Variants in KCNG2 observed in about 807,000 individuals in gnomAD.
The protein encoded by KCNG2 is voltage-gated potassium channel regulatory subunit KCNG2.
Under a neutral mutation model 12.3 loss-of-function variants are expected in KCNG2, and 7 were observed. The observed-to-expected ratio is 0.57, with a 90% CI of 0.32 to 1.07. KCNG2 has a LOEUF of 1.07. Ranked by LOEUF, KCNG2 falls within the 50% of genes least tolerant of loss-of-function variation. The probability of loss-of-function intolerance (pLI) is 0.04; values close to 1 mark genes in which losing one functional copy is unlikely to be tolerated. For synonymous variants in KCNG2, 414 were observed against 351.4 expected (o/e 1.18, Z -1.99); for missense variants, 703 against 726.0 (o/e 0.97, Z 0.36).
At position 79,814,696 on chromosome 18, in the gene KCNG2, G is replaced by A. The variant is rs529893891; in HGVS notation, c.-115+16682G>A. Among the ~76,000 whole-genome samples the A allele has an allele frequency of 1.6e-3, 251 of 152,328 alleles. 1 individual carries two copies. The highest frequency in any genetic ancestry group is 0.013 in the South Asian group (65 of 4,828). ...CCACCATTGGCGGAAACTGGGTAAA[G>A]GGTACAGGGGATCCCTTTGTATTGT... On this transcript the variant is annotated intron_variant, in intron 1 of 3. Transcript: ENST00000316249.
At chr18:79,811,809 A>T (rs2087496168) in intron 1 of KCNG2, among the ~76,000 whole-genome samples, 1 of 152,226 alleles carries the variant, frequency 6.6e-6, no homozygotes, top group Admixed American at 6.5e-5. Context: ...ACGTAACTGA[A>T]ATATATAACA....
chr18:79,872,909 C>T (rs1002335020), intron 3 of KCNG2, among the ~76,000 whole-genome samples: 1 of 152,236 alleles, frequency 6.6e-6, no homozygotes, highest in African/African-American at 2.4e-5. Flanking sequence ...CGTGTGGCCC[C>T]CTGTGTGGCG....
chr18:79,898,912 C>T (rs1981077892), intron 3 of KCNG2, 128 bp from the exon 4 acceptor site: 3 of 661,638 alleles, frequency 4.5e-6, no homozygotes, highest in Non-Finnish European at 7.3e-6. Flanking sequence ...TCCCCTGCAC[C>T]CGCTTCCGTG....
chr18:79,828,520 CGT>C (rs1344566481), intron 1 of KCNG2, among the ~76,000 whole-genome samples: 2 of 102,888 alleles, frequency 1.9e-5, no homozygotes, highest in African/African-American at 6.5e-5. Context: ...TGTAGTGTAA[CGT>C]GTTTATGCAT....
chr18:79,896,949 GTTTA>G (rs764967075), intron 3 of KCNG2, among the ~76,000 whole-genome samples: 2 of 152,086 alleles, frequency 1.3e-5, no homozygotes, highest in East Asian at 3.9e-4. Context: ...TAAGTCAGCC[GTTTA>G]TTTGTGAACT....
intron 2 of KCNG2, among the ~76,000 whole-genome samples, chr18:79,858,461 G>C (rs558040338): frequency 6.6e-6 from 1 of 152,158 alleles, no homozygotes. Context: ...TTGCTTCTCC[G>C]TTTATCAGTT....
At chr18:79,810,017 C>T (rs1375759534) in intron 1 of KCNG2, among the ~76,000 whole-genome samples, 4 of 152,214 alleles carry the variant, frequency 2.6e-5, no homozygotes, top group Non-Finnish European at 5.9e-5. Context: ...GGGCCAGCCT[C>T]GCGGAGCCGC....
intron 2 of KCNG2, among the ~76,000 whole-genome samples, chr18:79,857,011 G>A (rs894135421): frequency 8.9e-5 from 7 of 78,950 alleles, no homozygotes; most frequent in East Asian, 3.9e-4. Context: ...CCAGCCCTCC[G>A]TCCCAGAGGA....
chr18:79,851,388 G>A (rs150297543), intron 1 of KCNG2, among the ~76,000 whole-genome samples: 135 of 152,308 alleles, frequency 8.9e-4, no homozygotes, highest in African/African-American at 3.1e-3. Flanking sequence ...AGCATCTAGA[G>A]TCTAGGAATA....
chr18:79,864,912 GGTGCTGAGAGGTCTGT>G (rs1351269861), intron 3 of KCNG2, among the ~76,000 whole-genome samples: 1 of 144,320 alleles, frequency 6.9e-6, no homozygotes, highest in East Asian at 2.1e-4. Flanking sequence ...CAGAGGTCTG[GGTGCTGAGAGGTCTGT>G]GTGCTGAGAA....
In KCNG2 at chr18:79,864,062, A is replaced by AGGCCCGCGC; in HGVS notation, c.398_406dup (p.Ala133_Ala135dup). 1 of 1,095,170 alleles carries AGGCCCGCGC rather than the reference A, an allele frequency of 9.1e-7. No individual in the cohort carries two copies. The highest frequency in any genetic ancestry group is 1.1e-6 in the Non-Finnish European group (1 of 901,302). The allele number at this position is 1,095,170 out of a possible 1,614,324, so 67.8% of individuals were successfully genotyped here. ...CGCCGCCGCGAGGAGGAGGCGGCCGAGGCCCGCGCGGGGCCGACGGAGCGC... is the reference window on the plus strand; with the variant it reads ...CGCCGCCGCGAGGAGGAGGCGGCCGAGGCCCGCGCGGCCCGCGCGGGGCCGACGGAGCGC... On this transcript the variant is annotated inframe_insertion, in exon 3 of 4. Coordinates refer to ENST00000316249, the MANE Select transcript of KCNG2 (RefSeq NM_012283.2).
chr18:79,874,593 C>T (rs1052150762), intron 3 of KCNG2, among the ~76,000 whole-genome samples: 1 of 152,258 alleles, frequency 6.6e-6, no homozygotes, highest in East Asian at 1.9e-4. Flanking sequence ...AGAATTGATT[C>T]TCTCCTACTG....
chr18:79,868,244 C>T (rs548441341), intron 3 of KCNG2, among the ~76,000 whole-genome samples: 79 of 152,352 alleles, frequency 5.2e-4, no homozygotes, highest in African/African-American at 1.8e-3. Flanking sequence ...CCCTGGGCTC[C>T]GTGGCACCCA....
At chr18:79,814,669 G>A (rs942716992) in intron 1 of KCNG2, among the ~76,000 whole-genome samples, 1 of 152,230 alleles carries the variant, frequency 6.6e-6, no homozygotes, top group African/African-American at 2.4e-5. Flanking sequence ...TTTTGCAAGA[G>A]GCCACCATTG....
intron 3 of KCNG2, among the ~76,000 whole-genome samples, chr18:79,868,406 G>T (rs183127991): frequency 2.6e-5 from 4 of 151,346 alleles, no homozygotes; most frequent in African/African-American, 9.7e-5. Context: ...CCAAGCGTCC[G>T]GTTAAGAAGC....
chr18:79,798,123 C>A (rs973182849), intron 1 of KCNG2, among the ~76,000 whole-genome samples, 109 bp downstream of exon 1: 1 of 151,136 alleles, frequency 6.6e-6, no homozygotes, highest in Non-Finnish European at 1.5e-5. Context: ...GATGGTTCCG[C>A]GCGCAGCTTC....
chr18:79,832,252 G>T (rs958623806), intron 1 of KCNG2, among the ~76,000 whole-genome samples: 1 of 132,756 alleles, frequency 7.5e-6, no homozygotes, highest in Non-Finnish European at 1.6e-5. Flanking sequence ...ATCCTCACCC[G>T]TGAGACCTCA....
chr18:79,822,811 G>A lies in KCNG2; in HGVS notation c.-115+24797G>A, dbSNP rs1448082971. On this transcript the variant is annotated intron_variant, in intron 1 of 3. Transcript: ENST00000316249. This position sits in a 1 kb window ranked among gnomAD's most constrained non-coding sequence, Gnocchi z 4.4. Reference sequence around the variant, plus strand: ...TAGTCTTTAGCCTCCGGATTTCATGGAAACACATTTTCCACAATTACCTGG... The same window carrying A: ...TAGTCTTTAGCCTCCGGATTTCATGAAAACACATTTTCCACAATTACCTGG... Among the ~76,000 whole-genome samples, 1 of 152,278 alleles carries A rather than the reference G, an allele frequency of 6.6e-6. No homozygotes were observed. Among genetic ancestry groups the A allele is most frequent in the East Asian group, 1.9e-4 (1 of 5,182 alleles).
rs184603517 is a variant in KCNG2, at chr18:79,872,497, C to G, written c.624+8206C>G. Among the ~76,000 whole-genome samples the G allele has an allele frequency of 9.9e-5, 15 of 152,218 alleles. 1 individual carries two copies. The highest frequency in any genetic ancestry group is 5.2e-4 in the Admixed American group (8 of 15,298). On this transcript the variant is annotated intron_variant, in intron 3 of 3. Coordinates refer to ENST00000316249, the MANE Select transcript of KCNG2 (RefSeq NM_012283.2). ...GACGGGTTTCACCATGTTGGCCAGG[C>G]TGGCCTTGAACTCCTGACCTCAGGT...
Sources: gnomAD v4.1 joint callset for allele counts (sites outside exome capture counted in the v4.1 genomes callset) on GRCh38, gnomAD v4.1.1 for gene constraint, Gnocchi (gnomAD v3.1) non-coding constraint, MANE v1.5 for transcripts, NCBI Gene and HGNC (gene_info 2026-07-23, HGNC 2026-07-21) for gene names.